S100Z: variants seen among roughly 807,000 people sequenced by gnomAD.
S100Z encodes the protein S100 calcium binding protein Z.
Under a neutral mutation model 8.5 loss-of-function variants are expected in S100Z, and 11 were observed. The observed-to-expected ratio is 1.30, with a 90% CI of 0.82 to 2.15. The LOEUF (loss-of-function observed/expected upper bound fraction) is 2.15. S100Z is among the 30% of genes most tolerant of loss of function. The pLI, the probability that S100Z is intolerant of heterozygous loss-of-function variation, is 0.00. For synonymous variants in S100Z, 34 were observed against 43.8 expected, an observed-to-expected ratio of 0.78 and a Z score of 0.89; for missense variants, 126 against 117.9, an observed-to-expected ratio of 1.07 and a Z score of -0.32.
chr5:76,863,607 C>T (rs2460497), intron 1 of S100Z, among the ~76,000 whole-genome samples: 127,671 of 151,058 alleles, frequency 0.85, 54,083 homozygotes, highest in East Asian at 0.99. Flanking sequence ...GGCGCGATCT[C>T]GGCTCACTGC....
chr5:76,917,111 G>A (rs1003431678), intron 4 of S100Z, among the ~76,000 whole-genome samples: 3 of 115,692 alleles, frequency 2.6e-5, no homozygotes, highest in East Asian at 2.7e-4. Flanking sequence ...AGGTGACAGA[G>A]TGAGACTGTC....
At chr5:76,862,311 G>A (rs559110033) in intron 1 of S100Z, among the ~76,000 whole-genome samples, 1 of 152,288 alleles carries the variant, frequency 6.6e-6, no homozygotes, top group East Asian at 1.9e-4. Context: ...GCATAAGCAA[G>A]GGAACAGAAG....
At chr5:76,918,259 T>C (rs757531869) in intron 4 of S100Z, among the ~76,000 whole-genome samples, 1 of 152,188 alleles carries the variant, frequency 6.6e-6, no homozygotes, top group Non-Finnish European at 1.5e-5. Flanking sequence ...CAGGCTTGAG[T>C]GCAGTGGTAC....
chr5:76,867,172 A>G (rs1251133950), intron 1 of S100Z, among the ~76,000 whole-genome samples: 1 of 152,232 alleles, frequency 6.6e-6, no homozygotes, highest in African/African-American at 2.4e-5. Context: ...TGTATACACC[A>G]GTGACACCAT....
chr5:76,903,826 A>G (rs1377417696), intron 4 of S100Z, among the ~76,000 whole-genome samples: 4 of 151,776 alleles, frequency 2.6e-5, no homozygotes, highest in Admixed American at 1.3e-4. Flanking sequence ...ACCAGGTTCA[A>G]GCAATTCTTT....
At chr5:76,892,254 C>CGA (rs1743887348) in intron 4 of S100Z, among the ~76,000 whole-genome samples, 1 of 152,176 alleles carries the variant, frequency 6.6e-6, no homozygotes, top group Admixed American at 6.5e-5. Context: ...GCATCCTACT[C>CGA]TTTCAGATGA....
At chr5:76,917,853 C>T (rs929186510) in intron 4 of S100Z, among the ~76,000 whole-genome samples, 1 of 150,674 alleles carries the variant, frequency 6.6e-6, no homozygotes, top group Non-Finnish European at 1.5e-5. Context: ...AATTGAATAC[C>T]AAGGTCAAAA....
chr5:76,890,566 C>CT (rs778496771), intron 4 of S100Z, among the ~76,000 whole-genome samples: 1 of 152,178 alleles, frequency 6.6e-6, no homozygotes, highest in Non-Finnish European at 1.5e-5. Context: ...TGGATGATTG[C>CT]TTGAGCCCAG....
intron 4 of S100Z, among the ~76,000 whole-genome samples, chr5:76,899,413 T>A (rs753397167): frequency 6.6e-6 from 1 of 151,550 alleles, no homozygotes; most frequent in Non-Finnish European, 1.5e-5. Context: ...GTTTTTGTGG[T>A]CTTCTCTTCC....
chr5:76,880,148 T>TG (rs1743351719), intron 4 of S100Z, among the ~76,000 whole-genome samples: 1 of 151,886 alleles, frequency 6.6e-6, no homozygotes, highest in Non-Finnish European at 1.5e-5. Context: ...TTCTTAAGGG[T>TG]GGGGGAGATT....
At chr5:76,940,900 G>C in the S100Z span, among the ~76,000 whole-genome samples, 1 of 152,180 alleles carries the variant, frequency 6.6e-6, no homozygotes, top group South Asian at 2.1e-4. Context: ...TGTTTTTGAT[G>C]ATCTTGACAA....
At chr5:76,931,556 G>C in the S100Z span, among the ~76,000 whole-genome samples, 1 of 152,152 alleles carries the variant, frequency 6.6e-6, no homozygotes, top group Non-Finnish European at 1.5e-5. Flanking sequence ...GTGAATTAGT[G>C]GGGAGGGGCA....
chr5:76,902,637 GT>G (rs544919294), intron 4 of S100Z, among the ~76,000 whole-genome samples: 6 of 142,596 alleles, frequency 4.2e-5, no homozygotes, highest in South Asian at 2.3e-4. Context: ...GGTTTTTTTT[GT>G]TTTTTTTTTG....
At chr5:76,864,777 C>T (rs143162495) in intron 1 of S100Z, among the ~76,000 whole-genome samples, 2,208 of 152,044 alleles carry the variant, frequency 0.015, 64 homozygotes, top group African/African-American at 0.05. Context: ...GGCACGATCT[C>T]GGCTCGCTGC....
chr5:76,929,869 C>A, the S100Z span, among the ~76,000 whole-genome samples: 6 of 152,276 alleles, frequency 3.9e-5, no homozygotes, highest in South Asian at 1.0e-3. Context: ...TCTGAGATCC[C>A]AACCCACTTC....
chr5:76,886,100 T>C (rs986858720), intron 4 of S100Z, among the ~76,000 whole-genome samples: 1 of 146,806 alleles, frequency 6.8e-6, no homozygotes, highest in Non-Finnish European at 1.5e-5. Flanking sequence ...GGAGAGAAGG[T>C]GTCAAGGGGT....
At chr5:76,920,374 T>C (rs1262404294) in intron 4 of S100Z, among the ~76,000 whole-genome samples, 2 of 152,242 alleles carry the variant, frequency 1.3e-5, no homozygotes, top group Non-Finnish European at 2.9e-5. Flanking sequence ...ATGGCTCTTT[T>C]TTGTGAAGTG....
the S100Z span, among the ~76,000 whole-genome samples, chr5:76,945,340 G>C: frequency 1.4e-4 from 21 of 152,294 alleles, no homozygotes; most frequent in African/African-American, 4.3e-4. Flanking sequence ...GGATGGGAAA[G>C]ACCTGACCGT....
chr5:76,940,950 TTGTC>T, the S100Z span, among the ~76,000 whole-genome samples: 1,611 of 152,188 alleles, frequency 0.011, 10 homozygotes, highest in Non-Finnish European at 0.014. Flanking sequence ...CTGTTGGAAT[TTGTC>T]TGTTTTACTC....
Sources: allele counts gnomAD v4.1 joint callset (sites outside exome capture counted in the v4.1 genomes callset), GRCh38; gene constraint gnomAD v4.1.1; transcripts MANE v1.5; gene names NCBI Gene and HGNC (gene_info 2026-07-23, HGNC 2026-07-21).